Variants in TTC4 observed in about 807,000 individuals in gnomAD.
TTC4 encodes the protein hsp70/Hsp90 co-chaperone CNS1 homolog.
TTC4 carries 36 observed loss-of-function variants against 51.9 expected under a neutral mutation model. That is an observed-to-expected ratio of 0.69 (90% CI 0.53 to 0.92). The LOEUF is 0.92. Ranked by LOEUF, TTC4 falls within the 40% of genes least tolerant of loss-of-function variation. The pLI is 0.00. For synonymous variants in TTC4, 144 were observed against 164.2 expected (o/e 0.88, Z 0.94); for missense variants, 399 against 454.6 (o/e 0.88, Z 1.11).
At chr1:54,719,201 G>T (rs1020889669) in intron 3 of TTC4, among the ~76,000 whole-genome samples, 1 of 147,016 alleles carries the variant, frequency 6.8e-6, no homozygotes, top group East Asian at 2.1e-4. Flanking sequence ...CAGCAGAGGG[G>T]TAAGGAATAT....
At position 54,741,627 on chromosome 1, in the gene TTC4, G is replaced by T. The variant is rs1008571121; in HGVS notation, c.*114G>T. 1.1e-6 allele frequency: 1 copy of T among 885,534 alleles called. No individual in the cohort carries two copies. The highest frequency in any genetic ancestry group is 1.7e-5 in the African/African-American group (1 of 59,722). The allele number at this position is 885,534 out of a possible 1,614,324, so 54.9% of individuals were successfully genotyped here. On this transcript the variant is annotated 3_prime_UTR_variant, in exon 10 of 10. Coordinates refer to ENST00000371281, the MANE Select transcript of TTC4 (RefSeq NM_004623.5). ...AGTGCTTTCTTTCCGTCACCCTGGG[G>T]ATAGTCCTTCCTGGCATCGTGGTGG... is the stretch of plus-strand genomic sequence containing the variant.
chr1:54,731,867 G>A (rs755814349), intron 7 of TTC4, among the ~76,000 whole-genome samples, 167 bp downstream of exon 7: 1 of 152,096 alleles, frequency 6.6e-6, no homozygotes, highest in East Asian at 1.9e-4. Flanking sequence ...ACTGAACCTT[G>A]ACTAACTAGG....
At position 54,734,216 on chromosome 1, in the gene TTC4, C is replaced by T. The variant is rs190936172; in HGVS notation, c.978+506C>T. Among the ~76,000 whole-genome samples, 120 of 151,952 alleles carry T rather than the reference C, an allele frequency of 7.9e-4. 3 individuals are homozygous for T. Among genetic ancestry groups the T allele is most frequent in the Non-Finnish European group, 1.1e-3 (75 of 67,996 alleles). On this transcript the variant is annotated intron_variant, in intron 8 of 9. Transcript: ENST00000371281. ...CCTCCTGAGTAGCTGGGATTATAGA[C>T]GCGTGCCACCACACCCAGCTAAGTT...
intron 8 of TTC4, among the ~76,000 whole-genome samples, chr1:54,734,972 A>G (rs1645916935): frequency 2.0e-5 from 3 of 152,200 alleles, no homozygotes; most frequent in South Asian, 2.1e-4. Context: ...CTTTATAGCA[A>G]AAGGGTTTTG....
chr1:54,717,354 A>G lies in TTC4; in HGVS notation c.230-138A>G, dbSNP rs1008406329. The G allele has an allele frequency of 1.7e-5, 12 of 690,118 alleles. No homozygotes were observed. In the African/African-American group the frequency reaches 1.9e-4, roughly 11 times the overall value. The allele number at this position is 690,118 out of a possible 1,614,324, so 42.7% of individuals were successfully genotyped here. The stretch of plus-strand genomic sequence containing the variant: ...GTCCATGTTGATACCCACTTTTATC[A>G]TAACATCGAGTTTCCTTTCCCTATT... On this transcript the variant is annotated intron_variant, in intron 2 of 9. Transcript: ENST00000371281.
intron 8 of TTC4, 21 bp from the exon 9 acceptor site, chr1:54,737,561 G>C: frequency 6.2e-7 from 1 of 1,612,128 alleles, no homozygotes; most frequent in Non-Finnish European, 8.5e-7. Context: ...TCTGACTCTT[G>C]CCCTTCTGTT....
rs1181023524 is a variant in TTC4 at position 54,737,563 on chromosome 1, C to G, written c.979-19C>G. On this transcript the variant is annotated intron_variant, in intron 8 of 9. Coordinates refer to ENST00000371281, the MANE Select transcript of TTC4 (RefSeq NM_004623.5). ...CGAAGCCTTTATCTCTGACTCTTGCCCTTCTGTTAATCTTGCAGGTCTACT... is the reference window on the plus strand; with the variant it reads ...CGAAGCCTTTATCTCTGACTCTTGCGCTTCTGTTAATCTTGCAGGTCTACT... 1 of 1,612,422 alleles carries G rather than the reference C, an allele frequency of 6.2e-7. No homozygotes were observed. The highest frequency in any genetic ancestry group is 2.2e-5 in the East Asian group (1 of 44,846).
At position 54,737,669 on chromosome 1, in the gene TTC4, G is replaced by C; in HGVS notation, c.1061+5G>C. The C allele has an allele frequency of 6.2e-7, 1 of 1,612,094 alleles. No homozygotes were observed. The highest frequency in any genetic ancestry group is 2.2e-5 in the East Asian group (1 of 44,876). ...ACAGGTTCTACAGCACCAGAGGTGA[G>C]TCATCTCATGGCGCTGAGTAGATTG... On this transcript the variant is annotated splice_donor_5th_base_variant and intron_variant, in intron 9 of 9. Coordinates refer to ENST00000371281, the MANE Select transcript of TTC4 (RefSeq NM_004623.5).
chr1:54,732,759 C>A (rs1645883170), intron 7 of TTC4, among the ~76,000 whole-genome samples: 1 of 151,542 alleles, frequency 6.6e-6, no homozygotes. Context: ...CTGCACCCTA[C>A]CAGAAATGTT....
chr1:54,733,171 C>G (rs1394831877), intron 7 of TTC4, among the ~76,000 whole-genome samples: 1 of 151,108 alleles, frequency 6.6e-6, no homozygotes, highest in Admixed American at 6.6e-5. Flanking sequence ...ATCCCAATAA[C>G]TTTGGGAGGC....
In TTC4 at chr1:54,716,728, A is replaced by G. The variant is rs1257837484; in HGVS notation, c.229+11A>G. The G allele has an allele frequency of 1.3e-6, 2 of 1,589,846 alleles. No individual in the cohort carries two copies. Among genetic ancestry groups the G allele is most frequent in the Non-Finnish European group, 1.7e-6 (2 of 1,164,620 alleles). On this transcript the variant is annotated intron_variant, in intron 2 of 9. Transcript: ENST00000371281. ...AGCGTTCTCCAGAAGGTATCTTAAC[A>G]TGACTAATATTTGTTTTGTGTTTCC...
intron 3 of TTC4, among the ~76,000 whole-genome samples, chr1:54,720,185 A>G (rs1262049669): frequency 3.3e-5 from 5 of 152,134 alleles, no homozygotes; most frequent in Admixed American, 3.3e-4. Flanking sequence ...TGCAGGAGTG[A>G]GCCACCTCCC....
intron 9 of TTC4, among the ~76,000 whole-genome samples, chr1:54,740,957 C>T (rs550935477): frequency 1.3e-5 from 2 of 152,212 alleles, no homozygotes; most frequent in Admixed American, 6.5e-5. Flanking sequence ...AATCGTGCCT[C>T]CTTGGGATAA....
intron 5 of TTC4, 28 bp downstream of exon 5, chr1:54,722,827 A>G: frequency 6.4e-7 from 1 of 1,565,370 alleles, no homozygotes; most frequent in Non-Finnish European, 8.6e-7. Context: ...ACCAATTAGC[A>G]TTTGCTAATT....
chr1:54,722,574 AGGGTACT>A, intron 4 of TTC4, 94 bp from the exon 5 acceptor site: 2 of 1,532,272 alleles, frequency 1.3e-6, no homozygotes, highest in East Asian at 4.5e-5. Flanking sequence ...TTTTGCCTTC[AGGGTACT>A]GGCTGGTAGT....
At chr1:54,726,828 A>T (rs1645805097) in intron 5 of TTC4, among the ~76,000 whole-genome samples, 1 of 152,078 alleles carries the variant, frequency 6.6e-6, no homozygotes, top group Admixed American at 6.6e-5. Context: ...GCTGGAGTGC[A>T]GTGGTATGAT....
At chr1:54,740,141 C>T (rs1379620749) in intron 9 of TTC4, among the ~76,000 whole-genome samples, 1 of 137,118 alleles carries the variant, frequency 7.3e-6, no homozygotes, top group African/African-American at 2.8e-5. Context: ...CACCACTGCA[C>T]TCCAGCCTAG....
chr1:54,737,786 A>C (rs558605151), intron 9 of TTC4, 122 bp downstream of exon 9: 48 of 988,132 alleles, frequency 4.9e-5, no homozygotes, highest in Non-Finnish European at 7.0e-5. Flanking sequence ...GGTTTAGTGG[A>C]GAACTCACAG....
intron 6 of TTC4, 120 bp downstream of exon 6, chr1:54,728,552 T>G: frequency 2.8e-6 from 3 of 1,070,368 alleles, no homozygotes; most frequent in Non-Finnish European, 4.0e-6. Flanking sequence ...CTTTCTACTT[T>G]GGTAAAGCAG....
Sources: gnomAD v4.1 joint callset for allele counts (sites outside exome capture counted in the v4.1 genomes callset) on GRCh38, gnomAD v4.1.1 for gene constraint, MANE v1.5 for transcripts, NCBI Gene and HGNC (gene_info 2026-07-23, HGNC 2026-07-21) for gene names.